TULP4: variants seen among roughly 807,000 people sequenced by gnomAD.
The protein encoded by TULP4 is TUB like protein 4.
In TULP4, 16 loss-of-function variants were observed where a neutral mutation model predicts 129.0. The observed-to-expected ratio is 0.12, with a 90% CI of 0.08 to 0.19. The LOEUF (loss-of-function observed/expected upper bound fraction) is 0.19. Ranked by LOEUF, TULP4 falls within the 10% of genes least tolerant of loss-of-function variation. The pLI is 1.00. For synonymous variants in TULP4, 998 were observed against 854.0 expected (o/e 1.17, Z -2.94); for missense variants, 1,842 against 2,059.1 (o/e 0.89, Z 2.04).
At chr6:158,356,399 G>T (rs1780649083) in intron 1 of TULP4, among the ~76,000 whole-genome samples, 1 of 152,226 alleles carries the variant, frequency 6.6e-6, no homozygotes, top group African/African-American at 2.4e-5. Flanking sequence ...GAAGGGTGCA[G>T]AAGTTTCCCT....
At chr6:158,323,126 A>G (rs988055792) in intron 1 of TULP4, among the ~76,000 whole-genome samples, 6 of 152,210 alleles carry the variant, frequency 3.9e-5, no homozygotes, top group Non-Finnish European at 8.8e-5. Context: ...AACCTGGCTG[A>G]CAAGGACAAG....
At chr6:158,270,770 C>T (rs1778532911) in intron 1 of TULP4, among the ~76,000 whole-genome samples, 1 of 152,218 alleles carries the variant, frequency 6.6e-6, no homozygotes, top group Non-Finnish European at 1.5e-5. Flanking sequence ...AGGTGATTTA[C>T]TCCAGGCTTC....
At chr6:158,362,957 GAGGCTA>G (rs1043435343) in intron 1 of TULP4, among the ~76,000 whole-genome samples, 1 of 151,384 alleles carries the variant, frequency 6.6e-6, no homozygotes, top group African/African-American at 2.4e-5. Context: ...AGCTACTCGG[GAGGCTA>G]AGGCAGGAGA....
intron 1 of TULP4, among the ~76,000 whole-genome samples, chr6:158,247,648 A>G (rs926077919): frequency 2.0e-5 from 3 of 152,376 alleles, no homozygotes; most frequent in South Asian, 2.1e-4. Flanking sequence ...AGGGAAGTCA[A>G]GAGTTTTGTG....
At chr6:158,331,288 A>G (rs949200704) in intron 1 of TULP4, among the ~76,000 whole-genome samples, 4 of 152,148 alleles carry the variant, frequency 2.6e-5, no homozygotes, top group East Asian at 3.9e-4. Context: ...GGCAGCTGAC[A>G]GATGTAATCA....
intron 5 of TULP4, among the ~76,000 whole-genome samples, chr6:158,454,953 G>A (rs1562573359): frequency 6.6e-6 from 1 of 151,902 alleles, no homozygotes; most frequent in South Asian, 2.1e-4. Flanking sequence ...AATATAGGTA[G>A]AAGGATATGT....
intron 1 of TULP4, chr6:158,237,684 C>A (rs774234088): frequency 8.0e-6 from 9 of 1,119,932 alleles, no homozygotes; most frequent in Non-Finnish European, 1.2e-5. Context: ...CCTTCTTTTT[C>A]TTTTTCAAAT....
At chr6:158,340,697 G>A (rs192954675) in intron 1 of TULP4, among the ~76,000 whole-genome samples, 145 of 152,248 alleles carry the variant, frequency 9.5e-4, no homozygotes, top group African/African-American at 3.2e-3. Flanking sequence ...TCGACAAAGC[G>A]CCCTGACCAC....
intron 1 of TULP4, among the ~76,000 whole-genome samples, chr6:158,340,756 G>T (rs1780162173): frequency 6.6e-6 from 1 of 152,124 alleles, no homozygotes; most frequent in African/African-American, 2.4e-5. Flanking sequence ...CATCCTTACT[G>T]TTTGTACCAC....
At chr6:158,449,462 G>A (rs1357735827) in intron 4 of TULP4, among the ~76,000 whole-genome samples, 1 of 151,860 alleles carries the variant, frequency 6.6e-6, no homozygotes, top group Non-Finnish European at 1.5e-5. Flanking sequence ...CTCTTCCTGT[G>A]TCCCTGAGGT....
At chr6:158,404,185 A>G (rs1054303229) in intron 1 of TULP4, among the ~76,000 whole-genome samples, 2 of 152,210 alleles carry the variant, frequency 1.3e-5, no homozygotes, top group African/African-American at 2.4e-5. Flanking sequence ...CAGAATGTCT[A>G]CTGCAATACA....
chr6:158,258,202 G>A (rs1048468991), intron 1 of TULP4, among the ~76,000 whole-genome samples: 1 of 152,208 alleles, frequency 6.6e-6, no homozygotes, highest in Non-Finnish European at 1.5e-5. Context: ...CGGAATCCAG[G>A]TCAGGAGCCA....
At chr6:158,242,038 A>G (rs1777931030) in intron 1 of TULP4, 2 of 796,006 alleles carry the variant, frequency 2.5e-6, no homozygotes, top group East Asian at 2.4e-5. Flanking sequence ...AATTACATCT[A>G]GTAACCCTAC....
intron 1 of TULP4, among the ~76,000 whole-genome samples, chr6:158,296,901 A>G (rs911362910): frequency 2.6e-5 from 4 of 152,212 alleles, no homozygotes; most frequent in Admixed American, 2.6e-4. Context: ...AGGAAACAGG[A>G]CAAGGCAAAA....
rs1241527650 is a variant in TULP4, at chr6:158,493,533, C to T, written c.1632-40C>T. 5.6e-6 allele frequency: 8 copies of T among 1,434,360 alleles called. No homozygotes were observed. Among genetic ancestry groups the T allele is most frequent in the East Asian group, 5.5e-5 (2 of 36,436 alleles). The allele number at this position is 1,434,360 out of a possible 1,614,324, so 88.9% of individuals were successfully genotyped here. Reference sequence around the variant, plus strand: ...GAGTCAGGGCCATGCTCACCATTCCCGCCACGGATGCCTGACCCCTCCTGG... The same window carrying T: ...GAGTCAGGGCCATGCTCACCATTCCTGCCACGGATGCCTGACCCCTCCTGG... On this transcript the variant is annotated intron_variant, in intron 9 of 13. Transcript: ENST00000367097. The surrounding 1 kb of genome is among the most constrained non-coding windows in gnomAD (Gnocchi z 4.4).
At chr6:158,232,770 C>T (rs1234684309) in intron 1 of TULP4, among the ~76,000 whole-genome samples, 1 of 152,182 alleles carries the variant, frequency 6.6e-6, no homozygotes, top group Non-Finnish European at 1.5e-5. Context: ...GAGCGGCTTC[C>T]CCGGCCGCGC....
chr6:158,424,480 C>T (rs1403610237), intron 2 of TULP4, among the ~76,000 whole-genome samples: 2 of 152,086 alleles, frequency 1.3e-5, no homozygotes, highest in East Asian at 3.9e-4. Context: ...GAACTCCTGA[C>T]CTCAAGTGAT....
chr6:158,318,434 G>A (rs1483762237), intron 1 of TULP4, among the ~76,000 whole-genome samples: 1 of 152,162 alleles, frequency 6.6e-6, no homozygotes, highest in Non-Finnish European at 1.5e-5. Flanking sequence ...AAACTGAGTT[G>A]GTCATCCTAC....
At chr6:158,419,513 A>G (rs1447544088) in intron 2 of TULP4, among the ~76,000 whole-genome samples, 1 of 152,248 alleles carries the variant, frequency 6.6e-6, no homozygotes, top group Non-Finnish European at 1.5e-5. Context: ...TAAATGGATT[A>G]AATTTACCAA....
Sources: allele counts gnomAD v4.1 joint callset (sites outside exome capture counted in the v4.1 genomes callset), GRCh38; gene constraint gnomAD v4.1.1; non-coding constraint Gnocchi (gnomAD v3.1); transcripts MANE v1.5; gene names NCBI Gene and HGNC (gene_info 2026-07-23, HGNC 2026-07-21).